ZFHX3: variants seen among roughly 807,000 people sequenced by gnomAD.
ZFHX3 encodes the protein zinc finger homeobox protein 3.
Under a neutral mutation model 279.1 loss-of-function variants are expected in ZFHX3, and 42 were observed. The observed-to-expected ratio is 0.15, with a 90% CI of 0.12 to 0.19. ZFHX3 has a LOEUF of 0.19. ZFHX3 is among the 10% of genes least tolerant of loss of function. ZFHX3 has a pLI of 1.00. For synonymous variants in ZFHX3, 2,293 were observed against 1,957.8 expected (o/e 1.17, Z -4.52); for missense variants, 4,981 against 4,754.0 (o/e 1.05, Z -1.40).
In ZFHX3 at chr16:72,787,721, CGCCGCCGCCGCCGCCACT is replaced by C. The variant is rs775843921; in HGVS notation, c.10537_10554del (p.Ser3513_Gly3518del). ...CCGCCGCCGCCGCCGCCGCCGCCAC[CGCCGCCGCCGCCGCCACT>C]GCCACCGCCGCCGCCGCCGGTGGGG... On this transcript the variant is annotated inframe_deletion, in exon 10 of 10. Transcript: ENST00000268489. 1.3e-4 allele frequency: 165 copies of C among 1,283,866 alleles called. 12 individuals carry two copies. The highest frequency in any genetic ancestry group is 1.1e-3 in the East Asian group (21 of 19,326). The allele number at this position is 1,283,866 out of a possible 1,614,324, so 79.5% of individuals were successfully genotyped here. A position where few individuals can be genotyped will look rare whatever the true frequency, so the allele number is the denominator to read the frequency against.
At chr16:73,454,867 G>C (rs1017146882) in intron 3 of ZFHX3, among the ~76,000 whole-genome samples, 1 of 151,448 alleles carries the variant, frequency 6.6e-6, no homozygotes, top group Non-Finnish European at 1.5e-5. Flanking sequence ...TATGATAACA[G>C]TGTTGGGAAA....
At chr16:73,032,050 G>A (rs1964723569) in intron 1 of ZFHX3, among the ~76,000 whole-genome samples, 1 of 152,158 alleles carries the variant, frequency 6.6e-6, no homozygotes, top group South Asian at 2.1e-4. Flanking sequence ...TGTTAAAACT[G>A]GCCAAATAGG....
intron 2 of ZFHX3, among the ~76,000 whole-genome samples, chr16:73,672,289 T>C (rs2052911642): frequency 6.6e-6 from 1 of 152,104 alleles, no homozygotes; most frequent in Non-Finnish European, 1.5e-5. Context: ...AGGCAAGATA[T>C]ACAAAACCAA....
intron 5 of ZFHX3, among the ~76,000 whole-genome samples, chr16:73,226,478 G>A (rs977670488): frequency 3.9e-5 from 6 of 152,230 alleles, no homozygotes; most frequent in Non-Finnish European, 5.9e-5. Context: ...GCTCATGAGA[G>A]GTTTCCTATG....
rs540253425 is a variant in ZFHX3, at chr16:72,957,807, G to A, written c.2339C>T (p.Ala780Val). The A allele has an allele frequency of 1.7e-5, 27 of 1,590,330 alleles. No homozygotes were observed. Among genetic ancestry groups the A allele is most frequent in the African/African-American group, 4.0e-5 (3 of 74,466 alleles). The change falls in exon 2 of 10, where the codon GCG becomes GTG. Residue 780 changes from alanine to valine, a missense_variant. Around this residue, in one of 7 missense-constraint regions of ZFHX3, gnomAD observed 1,751 missense variants for 1,770.0 expected, o/e 0.99. Coordinates refer to ENST00000268489, the MANE Select transcript of ZFHX3 (RefSeq NM_006885.4). ...GCTACTGATATTGGCTGCCGCCGCC[G>A]CCGCAGCCACCGCCGCCGCCGCCGC... The part of the protein sequence containing the change: ...AGAAAAAVAA[A>V]AAAANISSSC...
At chr16:73,719,469 C>T (rs115840842) in intron 1 of ZFHX3, among the ~76,000 whole-genome samples, 2,298 of 152,066 alleles carry the variant, frequency 0.015, 61 homozygotes, top group African/African-American at 0.053. Context: ...CATTGCTAGC[C>T]AACTCAATAA....
rs183103920 is a variant in ZFHX3 at position 72,872,973 on chromosome 16, T to G, written c.3448+16758A>C. 3.5e-4 allele frequency among the ~76,000 whole-genome samples: 54 copies of G among 152,308 alleles called. 2 individuals are homozygous for G. The East Asian group carries it at 9.5e-3, about 27-fold the overall frequency. On this transcript the variant is annotated intron_variant, in intron 4 of 9. Coordinates refer to ENST00000268489, the MANE Select transcript of ZFHX3 (RefSeq NM_006885.4). ...TGAACTCCCACAACAGCCTGGGGTC[T>G]TCTTCCTCTGTCTCTACTGATTTAT...
intron 3 of ZFHX3, among the ~76,000 whole-genome samples, chr16:73,368,926 A>G (rs560587690): frequency 1.7e-4 from 26 of 152,340 alleles, no homozygotes; most frequent in African/African-American, 5.8e-4. Context: ...GATAAATGGC[A>G]CAGCTGAGAT....
At chr16:73,356,403 T>C (rs8056907) in intron 3 of ZFHX3, among the ~76,000 whole-genome samples, 35,599 of 151,914 alleles carry the variant, frequency 0.23, 6,337 homozygotes, top group African/African-American at 0.5. Flanking sequence ...GCTAATTGGA[T>C]TGACCTAGAG....
intron 3 of ZFHX3, among the ~76,000 whole-genome samples, chr16:72,931,787 G>A (rs1414609452): frequency 6.6e-6 from 1 of 152,130 alleles, no homozygotes; most frequent in Non-Finnish European, 1.5e-5. Context: ...CACGGACACT[G>A]TGGTTTTCGA....
intron 3 of ZFHX3, among the ~76,000 whole-genome samples, chr16:73,322,942 C>G (rs1039331017): frequency 6.6e-6 from 1 of 152,188 alleles, no homozygotes; most frequent in African/African-American, 2.4e-5. Context: ...TATTGGAATA[C>G]AGTTTCAATG....
intron 1 of ZFHX3, among the ~76,000 whole-genome samples, chr16:73,838,968 G>A (rs1426204731): frequency 6.6e-6 from 1 of 152,070 alleles, no homozygotes; most frequent in African/African-American, 2.4e-5. Context: ...GATCAAGGAA[G>A]AACCAGGATG....
At chr16:73,429,990 C>T (rs1451052005) in intron 3 of ZFHX3, among the ~76,000 whole-genome samples, 2 of 152,120 alleles carry the variant, frequency 1.3e-5, no homozygotes, top group East Asian at 1.9e-4. Context: ...TGGGCTCAAG[C>T]GATCCTCCTG....
intron 5 of ZFHX3, among the ~76,000 whole-genome samples, chr16:73,236,476 G>A (rs1408057404): frequency 6.6e-6 from 1 of 152,160 alleles, no homozygotes; most frequent in Non-Finnish European, 1.5e-5. Context: ...TGTAATCCCA[G>A]CTACTTGCGG....
intron 1 of ZFHX3, among the ~76,000 whole-genome samples, chr16:73,751,789 G>A (rs1239855315): frequency 1.3e-5 from 2 of 152,004 alleles, no homozygotes; most frequent in Non-Finnish European, 2.9e-5. Flanking sequence ...ATCTAGCTTT[G>A]GACACTTCCT....
At chr16:73,787,657 T>C (rs1375889732) in intron 1 of ZFHX3, among the ~76,000 whole-genome samples, 1 of 152,178 alleles carries the variant, frequency 6.6e-6, no homozygotes, top group Non-Finnish European at 1.5e-5. Flanking sequence ...GTGGTAAATC[T>C]GATGTAATTT....
intron 3 of ZFHX3, among the ~76,000 whole-genome samples, chr16:73,426,241 A>G (rs1369375213): frequency 6.6e-6 from 1 of 152,208 alleles, no homozygotes; most frequent in Non-Finnish European, 1.5e-5. Flanking sequence ...TGCATTATAT[A>G]TGGCCAAAAG....
At chr16:73,132,703 T>C (rs1225805150) in intron 6 of ZFHX3, among the ~76,000 whole-genome samples, 2 of 152,182 alleles carry the variant, frequency 1.3e-5, no homozygotes, top group African/African-American at 4.8e-5. Flanking sequence ...CAACTTTTAG[T>C]GAAGTGGATC....
At chr16:73,836,963 G>T (rs1343441264) in intron 1 of ZFHX3, among the ~76,000 whole-genome samples, 1 of 152,218 alleles carries the variant, frequency 6.6e-6, no homozygotes, top group Non-Finnish European at 1.5e-5. Context: ...GTTATAACGT[G>T]CAGCATGAGA....
Sources: gnomAD v4.1 joint callset for allele counts (sites outside exome capture counted in the v4.1 genomes callset) on GRCh38, gnomAD v4.1.1 for gene constraint, gnomAD v4.1.1 regional missense constraint, MANE v1.5 for transcripts, NCBI Gene and HGNC (gene_info 2026-07-23, HGNC 2026-07-21) for gene names.